SRGAP3: variants seen among roughly 807,000 people sequenced by gnomAD.
SRGAP3 encodes the protein SLIT-ROBO Rho GTPase activating protein 3, also known as SLIT-ROBO Rho GTPase-activating protein 3.
Under a neutral mutation model 121.1 loss-of-function variants are expected in SRGAP3, and 39 were observed. The observed-to-expected ratio is 0.32, with a 90% CI of 0.25 to 0.42. The LOEUF is 0.42. SRGAP3 is among the 10% of genes least tolerant of loss of function. The pLI is 1.00. For synonymous variants in SRGAP3, 601 were observed against 570.0 expected (o/e 1.05, Z -0.77); for missense variants, 1,213 against 1,470.6 (o/e 0.82, Z 2.86).
At chr3:9,227,381 G>C (rs965296456) in intron 1 of SRGAP3, among the ~76,000 whole-genome samples, 1 of 152,184 alleles carries the variant, frequency 6.6e-6, no homozygotes, top group African/African-American at 2.4e-5. Context: ...AGTAATAACA[G>C]AGCGCACTTA....
At chr3:9,066,643 G>A (rs964829101) in intron 4 of SRGAP3, among the ~76,000 whole-genome samples, 1 of 151,918 alleles carries the variant, frequency 6.6e-6, no homozygotes, top group African/African-American at 2.4e-5. Context: ...GAGATTACAG[G>A]CACCCGCCAC....
At chr3:9,058,693 A>G (rs111913525) in intron 6 of SRGAP3, 28 of 482,368 alleles carry the variant, frequency 5.8e-5, no homozygotes, top group African/African-American at 5.3e-4. Context: ...GGTTCCCTAT[A>G]TTCACCATCT....
intron 1 of SRGAP3, among the ~76,000 whole-genome samples, chr3:9,234,060 G>A (rs1299734524): frequency 6.6e-6 from 1 of 152,176 alleles, no homozygotes; most frequent in Non-Finnish European, 1.5e-5. Flanking sequence ...GCAAGACAGA[G>A]ATGCTCAGGG....
At chr3:9,345,900 G>A (rs138263049) in intron 1 of SRGAP3, among the ~76,000 whole-genome samples, 1 of 152,190 alleles carries the variant, frequency 6.6e-6, no homozygotes, top group African/African-American at 2.4e-5. Context: ...TCCAAGCACA[G>A]TATGGCCCAT....
chr3:9,157,278 C>A (rs991030834), intron 1 of SRGAP3, among the ~76,000 whole-genome samples: 29 of 152,022 alleles, frequency 1.9e-4, no homozygotes, highest in Admixed American at 7.2e-4. Context: ...GGGGGATGTG[C>A]TACACTCTTC....
chr3:9,233,348 C>T (rs938197904), intron 1 of SRGAP3, among the ~76,000 whole-genome samples: 1 of 152,208 alleles, frequency 6.6e-6, no homozygotes, highest in Non-Finnish European at 1.5e-5. Flanking sequence ...TTACATTCCA[C>T]TTTCTTGTCT....
chr3:9,159,910 G>C (rs1484203245), intron 1 of SRGAP3, among the ~76,000 whole-genome samples: 3 of 152,120 alleles, frequency 2.0e-5, no homozygotes, highest in African/African-American at 7.2e-5. Context: ...GAAGGAAGAG[G>C]GAGTCTGCCT....
intron 3 of SRGAP3, among the ~76,000 whole-genome samples, chr3:9,296,564 C>A (rs1481874047): frequency 5.9e-5 from 9 of 152,082 alleles, no homozygotes; most frequent in Non-Finnish European, 1.2e-4. Context: ...TCACTGGGTC[C>A]CCAGAGGCAG....
At chr3:9,303,195 C>T (rs866806162) in intron 3 of SRGAP3, among the ~76,000 whole-genome samples, 4 of 152,054 alleles carry the variant, frequency 2.6e-5, no homozygotes, top group Non-Finnish European at 5.9e-5. Flanking sequence ...GAGGCCTAGG[C>T]GGGCAGATTA....
intron 1 of SRGAP3, among the ~76,000 whole-genome samples, chr3:9,197,909 T>G (rs1173264717): frequency 6.6e-6 from 1 of 152,262 alleles, no homozygotes; most frequent in African/African-American, 2.4e-5. Flanking sequence ...TTTCCAAAAC[T>G]TATTTGTCAA....
At chr3:9,251,768 G>A (rs1344219459), upstream of SRGAP3, among the ~76,000 whole-genome samples, 4 of 152,180 alleles carry the variant, frequency 2.6e-5, no homozygotes, top group South Asian at 4.1e-4. Context: ...ATGGTATAGC[G>A]CTCTGAGCTG....
rs572520497 is a variant in SRGAP3, at chr3:9,153,158, A to T, written c.68-28241T>A. ...CCTCACCCAGTATGAGTGAGTCTTG[A>T]TTGGACTGATGGTACAGTTTTTGCA... is the stretch of plus-strand genomic sequence containing the variant. On this transcript the variant is annotated intron_variant, in intron 1 of 21. Coordinates refer to ENST00000383836, the MANE Select transcript of SRGAP3 (RefSeq NM_014850.4). 5.9e-5 allele frequency among the ~76,000 whole-genome samples: 9 copies of T among 152,300 alleles called. No individual in the cohort carries two copies. In the South Asian group the frequency reaches 1.9e-3, roughly 32 times the overall value.
At chr3:9,151,046 A>T (rs139636264) in intron 1 of SRGAP3, among the ~76,000 whole-genome samples, 1,658 of 152,298 alleles carry the variant, frequency 0.011, 17 homozygotes, top group Middle Eastern at 0.017. Flanking sequence ...ATGAGACTCT[A>T]TTTCCACTTA....
intron 1 of SRGAP3, among the ~76,000 whole-genome samples, chr3:9,336,715 T>G (rs1482590911): frequency 7.2e-5 from 11 of 152,134 alleles, no homozygotes; most frequent in Non-Finnish European, 1.0e-4. Flanking sequence ...GCAGAAGATA[T>G]GTGTTGAGAA....
At chr3:9,063,195 T>C (rs1225278845) in intron 5 of SRGAP3, among the ~76,000 whole-genome samples, 3 of 147,706 alleles carry the variant, frequency 2.0e-5, no homozygotes, top group African/African-American at 7.6e-5. Context: ...TGCAGTGATG[T>C]GATCATGGCT....
chr3:9,265,868 C>T (rs1364683053), intron 3 of SRGAP3, among the ~76,000 whole-genome samples: 2 of 152,178 alleles, frequency 1.3e-5, no homozygotes, highest in Admixed American at 6.5e-5. Context: ...AATCTCATTA[C>T]TGGGTATATA....
intron 1 of SRGAP3, chr3:9,192,592 T>G (rs901509705): frequency 6.6e-6 from 1 of 152,302 alleles, no homozygotes; most frequent in African/African-American, 2.4e-5. Context: ...TTATGCCTGG[T>G]GTCTTCCTGG....
intron 1 of SRGAP3, among the ~76,000 whole-genome samples, chr3:9,343,271 C>A (rs929122457): frequency 6.6e-6 from 1 of 152,128 alleles, no homozygotes; most frequent in Non-Finnish European, 1.5e-5. Flanking sequence ...TTTGAAAGAC[C>A]AATTTTATTA....
At chr3:9,167,590 G>A (rs191022205) in intron 1 of SRGAP3, among the ~76,000 whole-genome samples, 3 of 152,240 alleles carry the variant, frequency 2.0e-5, no homozygotes, top group South Asian at 2.1e-4. Context: ...AGTTGGGACC[G>A]CATTCCTTTC....
Sources: gnomAD v4.1 joint callset for allele counts (sites outside exome capture counted in the v4.1 genomes callset) on GRCh38, gnomAD v4.1.1 for gene constraint, MANE v1.5 for transcripts, NCBI Gene and HGNC (gene_info 2026-07-23, HGNC 2026-07-21) for gene names.